Variants in TRIM7 observed in about 807,000 individuals in gnomAD.
The protein encoded by TRIM7 is E3 ubiquitin-protein ligase TRIM7.
A neutral mutation model predicts 37.9 loss-of-function variants in TRIM7; 32 were observed. That is an observed-to-expected ratio of 0.84 (90% CI 0.64 to 1.13). The LOEUF (loss-of-function observed/expected upper bound fraction) is 1.13. Among genes scored for constraint, TRIM7 ranks in the 50% most tolerant of loss-of-function variants. The probability of loss-of-function intolerance (pLI) is 0.00; values close to 1 mark genes in which losing one functional copy is unlikely to be tolerated. For missense variants in TRIM7, 732 were observed against 714.0 expected (o/e 1.03, Z -0.29); for synonymous variants, 351 against 321.3 (o/e 1.09, Z -0.99).
chr5:181,204,070 C>G (rs959077781), intron 1 of TRIM7: 121 of 1,000,160 alleles, frequency 1.2e-4, no homozygotes, highest in Non-Finnish European at 1.4e-4. Context: ...CCCCCAGAAT[C>G]GACAGCGTTG....
intron 2 of TRIM7, chr5:181,203,284 G>A (rs1194364559): frequency 7.7e-7 from 1 of 1,304,754 alleles, no homozygotes; most frequent in Non-Finnish European, 9.7e-7. Flanking sequence ...CAGAGTGACT[G>A]AGCGTCCTGA....
chr5:181,200,561 C>T, intron 2 of TRIM7: 1 of 1,014,090 alleles, frequency 9.9e-7, no homozygotes, highest in South Asian at 4.2e-5. Context: ...CTAACACATG[C>T]TCAAAATACA....
rs773094746 is a variant in TRIM7, at chr5:181,203,549, A to G, written c.614T>C (p.Leu205Pro). ...GCCTGCGGGTGCCTGGCTCACCAGC[A>G]GCTCCTTGCTCTCCTTCTTTTCCGT... ...RSTEKKESKE[L>P]LKQMAAEQEK... The change falls in exon 2 of 7, where the codon CTG becomes CCG. Residue 205 changes from leucine (L) to proline (P), a missense_variant. Physicochemically the swap from Leu to Pro is moderately conservative, Grantham distance 98. Coordinates refer to ENST00000274773, the MANE Select transcript of TRIM7 (RefSeq NM_203293.3). 3.1e-6 allele frequency: 5 copies of G among 1,614,170 alleles called. No individual in the cohort carries two copies. In the East Asian group the frequency reaches 8.9e-5, roughly 29 times the overall value.
At chr5:181,198,878 C>T (rs986233594) in intron 4 of TRIM7, 73 bp from the exon 5 acceptor site, 21 of 1,278,798 alleles carry the variant, frequency 1.6e-5, no homozygotes, top group Middle Eastern at 2.0e-4. Context: ...ATTAGGATGG[C>T]GAGGTCCTCT....
chr5:181,199,659 G>T, intron 3 of TRIM7, 192 bp downstream of exon 3: 2 of 823,168 alleles, frequency 2.4e-6, no homozygotes, highest in Non-Finnish European at 3.7e-6. Flanking sequence ...TATTATTGTG[G>T]CTCATAGTCA....
Position 181,204,734 on chromosome 5 carries a change from G to A in TRIM7, c.377C>T (p.Ala126Val), listed in dbSNP as rs563116759. The change falls in exon 1 of 7, where the codon GCG becomes GTG. Residue 126 changes from alanine to valine, a missense_variant. Transcript: ENST00000274773. ...HGSQAAAARA[A>V]AARCGQHGEP... ...GCCATGCTGCCCGCAGCGGGCAGCC[G>A]CTGCCCGGGCCGCGGCCGCCTGAGA... 5.5e-6 allele frequency: 8 copies of A among 1,466,360 alleles called. No individual in the cohort carries two copies. Among genetic ancestry groups the A allele is most frequent in the Non-Finnish European group, 7.2e-6 (8 of 1,118,422 alleles). The allele number at this position is 1,466,360 out of a possible 1,614,324, so 90.8% of individuals were successfully genotyped here.
In TRIM7 at chr5:181,203,573, G is replaced by A; in HGVS notation, c.590C>T (p.Thr197Met). 1.2e-6 allele frequency: 2 copies of A among 1,614,048 alleles called. No individual in the cohort carries two copies. Among genetic ancestry groups the A allele is most frequent in the Non-Finnish European group, 8.5e-7 (1 of 1,180,020 alleles). The change falls in exon 2 of 7, where the codon ACG becomes ATG. Residue 197 changes from threonine (T) to methionine (M), a missense_variant. Coordinates refer to ENST00000274773, the MANE Select transcript of TRIM7 (RefSeq NM_203293.3). ...ELEDCEVFRS[T>M]EKKESKELLK... ...CAGCTCCTTGCTCTCCTTCTTTTCC[G>A]TGGACCGGAACACCTCACAGTCCTC... is the stretch of plus-strand genomic sequence containing the variant.
In TRIM7 at chr5:181,203,551, C is replaced by T. The variant is rs1436390894; in HGVS notation, c.612G>A (p.Glu204=). Residue 204 remains glutamate (E), a synonymous_variant, in exon 2 of 7, where the codon GAG becomes GAA. Transcript: ENST00000274773. ...CTGCGGGTGCCTGGCTCACCAGCAG[C>T]TCCTTGCTCTCCTTCTTTTCCGTGG... ...FRSTEKKESK[E]LLKQMAAEQE... The T allele has an allele frequency of 1.2e-6, 2 of 1,614,122 alleles. No homozygotes were observed. The highest frequency in any genetic ancestry group is 2.2e-5 in the East Asian group (1 of 44,904).
chr5:181,199,826 G>T (rs770411661), intron 3 of TRIM7, 25 bp downstream of exon 3: 25 of 1,601,182 alleles, frequency 1.6e-5, no homozygotes, highest in Non-Finnish European at 2.1e-5. Flanking sequence ...TAAATGACTC[G>T]AGCCCCTGGC....
At position 181,195,690 on chromosome 5, in the gene TRIM7, A is replaced by G; in HGVS notation, c.1025-13T>C. The G allele has an allele frequency of 6.6e-7, 1 of 1,511,086 alleles. No homozygotes were observed. Among genetic ancestry groups the G allele is most frequent in the Non-Finnish European group, 8.9e-7 (1 of 1,128,326 alleles). 93.6% of individuals were successfully genotyped at this position (1,511,086 alleles called of 1,614,324 possible). ...AAGGTGAGCTCCACTGCAGACAGAG[A>G]CAGGGAGAAATGTCCCCACGCAGCC... is the stretch of plus-strand genomic sequence containing the variant. On this transcript the variant is annotated splice_polypyrimidine_tract_variant and intron_variant, in intron 6 of 6. Transcript: ENST00000274773.
rs569307799 is a variant in TRIM7, at chr5:181,199,972, C to T, written c.728G>A (p.Arg243Gln). 1.5e-5 allele frequency: 24 copies of T among 1,614,280 alleles called. No homozygotes were observed. The East Asian group carries it at 1.6e-4, about 10-fold the overall frequency. ...RLLGRLEELS[R>Q]EVAQKQNENL... is the part of the protein sequence containing the mutation. The stretch of plus-strand genomic sequence containing the variant: ...CTCATTCTGCTTCTGTGCCACCTCC[C>T]GGGACAGTTCCTCCAGGCGGCCTAG... Residue 243 changes from arginine to glutamine, a missense_variant, in exon 3 of 7, where the codon CGG becomes CAG. Physicochemically the swap from Arg to Gln is conservative, Grantham distance 43 (BLOSUM62 1). Transcript: ENST00000274773.
chr5:181,199,519 TTATC>T (rs1447019680), intron 3 of TRIM7: 8 of 466,204 alleles, frequency 1.7e-5, no homozygotes, highest in African/African-American at 5.9e-5. Flanking sequence ...ATTGTGAAGT[TTATC>T]TAGTTGTTTA....
chr5:181,204,786 G>T lies in TRIM7; in HGVS notation c.325C>A (p.Pro109Thr), dbSNP rs780102513. Residue 109 changes from proline to threonine, a missense_variant, in exon 1 of 7, where the codon CCC becomes ACC. Transcript: ENST00000274773. ...CCGTGCTCTCCCGGGGCAGCCGCGG[G>T]CAGGCTGAAGCGCCGCAGGAGCGTG... Reference protein sequence around the residue: ...VATLLRRFSLPAAAPGEHGSQ... With the variant: ...VATLLRRFSLTAAAPGEHGSQ... 1.5e-5 allele frequency: 21 copies of T among 1,426,082 alleles called. No individual in the cohort carries two copies. The South Asian group carries it at 2.8e-4, about 19-fold the overall frequency. The allele number at this position is 1,426,082 out of a possible 1,614,324, so 88.3% of individuals were successfully genotyped here.
rs1025713397 is a variant in TRIM7, at chr5:181,203,526, C to T, written c.618+19G>A. On this transcript the variant is annotated intron_variant, in intron 2 of 6. Transcript: ENST00000274773. Reference sequence around the variant, plus strand: ...GCCTCTGTAATGTCCCACGGGGGGCCTGCGGGTGCCTGGCTCACCAGCAGC... The same window carrying T: ...GCCTCTGTAATGTCCCACGGGGGGCTTGCGGGTGCCTGGCTCACCAGCAGC... The T allele has an allele frequency of 1.2e-6, 2 of 1,613,986 alleles. No individual in the cohort carries two copies. Among genetic ancestry groups the T allele is most frequent in the African/African-American group, 1.3e-5 (1 of 75,048 alleles).
At chr5:181,199,536 A>G (rs754097504) in intron 3 of TRIM7, 45 of 477,120 alleles carry the variant, frequency 9.4e-5, no homozygotes, top group Admixed American at 1.6e-4. Context: ...GTTGTTTATA[A>G]CTTTTTTTTT....
At chr5:181,198,371 G>A (rs1039344070) in intron 5 of TRIM7, 153 bp from the exon 6 acceptor site, 5 of 823,612 alleles carry the variant, frequency 6.1e-6, no homozygotes, top group Admixed American at 4.2e-5. Context: ...AGCATGGGGA[G>A]CGGGGGGCAG....
intron 2 of TRIM7, chr5:181,201,037 C>T (rs1487618098): frequency 3.6e-5 from 17 of 473,104 alleles, no homozygotes; most frequent in Non-Finnish European, 4.7e-5. Context: ...AAAAGACAGA[C>T]ACATCACCAG....
intron 6 of TRIM7, 30 bp downstream of exon 6, chr5:181,198,153 C>G: frequency 6.2e-7 from 1 of 1,612,928 alleles, no homozygotes; most frequent in Non-Finnish European, 8.5e-7. Context: ...GGCAGACAGT[C>G]CATACTCGCC....
chr5:181,204,928 G>A lies in TRIM7; in HGVS notation c.183C>T (p.Gly61=). The A allele has an allele frequency of 1.4e-6, 2 of 1,405,922 alleles. No homozygotes were observed. The highest frequency in any genetic ancestry group is 1.8e-6 in the Non-Finnish European group (2 of 1,090,528). The allele number at this position is 1,405,922 out of a possible 1,614,324, so 87.1% of individuals were successfully genotyped here. Residue 61 remains glycine (G), a synonymous_variant, in exon 1 of 7, where the codon GGC becomes GGT. Transcript: ENST00000274773. Reference sequence around the variant, plus strand: ...GGGTGGCGGCCCCAACAGACCCCGCGCCCGGGCGCTCCCAGCAGCGCCCTA... The same window carrying A: ...GGGTGGCGGCCCCAACAGACCCCGCACCCGGGCGCTCCCAGCAGCGCCCTA... The part of the protein sequence containing the change: ...ACIGRCWERP[G]AGSVGAATRA...
Sources: allele counts gnomAD v4.1 joint callset, GRCh38; gene constraint gnomAD v4.1.1; transcripts MANE v1.5; gene names NCBI Gene and HGNC (gene_info 2026-07-23, HGNC 2026-07-21).